NYAP2: variants seen among roughly 807,000 people sequenced by gnomAD.
NYAP2 encodes the protein neuronal tyrosine-phosphorylated phosphoinositide-3-kinase adaptor 2.
In NYAP2, 23 loss-of-function variants were observed where a neutral mutation model predicts 50.4. The ratio of observed to expected loss-of-function variants is 0.46; its 90% CI spans 0.33 to 0.65. The LOEUF is 0.65. Among genes scored for constraint, NYAP2 ranks in the 30% least tolerant of loss-of-function variants. The pLI is 0.02. For synonymous variants in NYAP2, 394 were observed against 365.2 expected, an observed-to-expected ratio of 1.08 and a Z score of -0.90; for missense variants, 885 against 861.0, an observed-to-expected ratio of 1.03 and a Z score of -0.35.
At chr2:225,443,131 G>T (rs1689496643) in intron 3 of NYAP2, among the ~76,000 whole-genome samples, 1 of 152,130 alleles carries the variant, frequency 6.6e-6, no homozygotes, top group South Asian at 2.1e-4. Flanking sequence ...GGGATAATGG[G>T]AGCTACAATT....
chr2:225,692,082 C>T, the NYAP2 span, among the ~76,000 whole-genome samples: 1 of 152,050 alleles, frequency 6.6e-6, no homozygotes, highest in Non-Finnish European at 1.5e-5. Context: ...GAAATTAATT[C>T]CAAGGTTAAC....
intron 3 of NYAP2, among the ~76,000 whole-genome samples, chr2:225,442,845 G>A (rs933251838): frequency 1.3e-5 from 2 of 152,140 alleles, no homozygotes; most frequent in African/African-American, 4.8e-5. Flanking sequence ...ACAAAGTGCT[G>A]AGATTATGGG....
At chr2:225,648,805 A>T (rs1007051923) in intron 6 of NYAP2, among the ~76,000 whole-genome samples, 1 of 152,142 alleles carries the variant, frequency 6.6e-6, no homozygotes, top group African/African-American at 2.4e-5. Context: ...ATCAAAAAGG[A>T]GCATGGGAAG....
intron 3 of NYAP2, among the ~76,000 whole-genome samples, chr2:225,496,978 T>C (rs751180567): frequency 1.3e-5 from 2 of 152,160 alleles, no homozygotes. Context: ...GTTGTGACAA[T>C]ACCTTTTAAT....
chr2:225,689,922 A>C, the NYAP2 span, among the ~76,000 whole-genome samples: 2 of 152,162 alleles, frequency 1.3e-5, no homozygotes, highest in East Asian at 1.9e-4. Flanking sequence ...TAACTTATAC[A>C]ATGTCATCAA....
the NYAP2 span, among the ~76,000 whole-genome samples, chr2:225,692,067 T>C: frequency 2.0e-5 from 3 of 152,140 alleles, no homozygotes; most frequent in Admixed American, 2.0e-4. Context: ...TCAAGACTCC[T>C]AGATGAAATT....
rs143995604 is a variant in NYAP2, at chr2:225,494,912, TTA to T, written c.222-18457_222-18456del. Reference sequence around the variant, plus strand: ...TATAAGATATAAAAAACTATAGAGTTTATGTCTGTGTTTCTTACCCTAGTATA... The same window carrying T: ...TATAAGATATAAAAAACTATAGAGTTTGTCTGTGTTTCTTACCCTAGTATA... On this transcript the variant is annotated intron_variant, in intron 3 of 6. Coordinates refer to ENST00000636099, the Ensembl canonical transcript of NYAP2. Among the ~76,000 whole-genome samples the T allele has an allele frequency of 1.3e-4, 20 of 152,276 alleles. No individual in the cohort carries two copies. The East Asian group carries it at 3.9e-3, about 29-fold the overall frequency.
At chr2:225,651,377 T>G in intron 6 of NYAP2, 55 bp from the exon 7 acceptor site, 1 of 1,610,424 alleles carries the variant, frequency 6.2e-7, no homozygotes, top group Non-Finnish European at 8.5e-7. Flanking sequence ...AAAAGCCACT[T>G]CATTATTCCA....
At chr2:225,687,252 T>C in the NYAP2 span, among the ~76,000 whole-genome samples, 2 of 152,138 alleles carry the variant, frequency 1.3e-5, no homozygotes, top group Non-Finnish European at 2.9e-5. Flanking sequence ...TTTAAGGGAA[T>C]TGAGATATGT....
the NYAP2 span, chr2:225,699,171 A>G: frequency 1.3e-5 from 2 of 151,958 alleles, no homozygotes; most frequent in African/African-American, 4.8e-5. Flanking sequence ...CATTGGCTTT[A>G]TAAGAATTTC....
At chr2:225,685,762 A>T in the NYAP2 span, among the ~76,000 whole-genome samples, 4 of 152,180 alleles carry the variant, frequency 2.6e-5, no homozygotes, top group African/African-American at 7.2e-5. Flanking sequence ...GTGGACACAA[A>T]CATAGTTTTT....
chr2:225,697,319 T>C, the NYAP2 span, among the ~76,000 whole-genome samples: 1 of 152,018 alleles, frequency 6.6e-6, no homozygotes, highest in African/African-American at 2.4e-5. Flanking sequence ...AATCCATTTT[T>C]CTAAATTTTT....
At chr2:225,554,513 C>T (rs1331591976) in intron 4 of NYAP2, among the ~76,000 whole-genome samples, 2 of 151,872 alleles carry the variant, frequency 1.3e-5, no homozygotes, top group African/African-American at 4.8e-5. Context: ...TTAGTAGAGA[C>T]AGGTTTTGCC....
the NYAP2 span, among the ~76,000 whole-genome samples, chr2:225,669,109 G>C: frequency 6.6e-6 from 1 of 151,940 alleles, no homozygotes; most frequent in Non-Finnish European, 1.5e-5. Context: ...TTTATTTACA[G>C]TGAGGTTTCA....
intron 4 of NYAP2, among the ~76,000 whole-genome samples, chr2:225,564,880 A>C (rs1450993410): frequency 6.6e-6 from 1 of 152,296 alleles, no homozygotes; most frequent in Non-Finnish European, 1.5e-5. Flanking sequence ...CTATAATCCC[A>C]GCACTGTGGG....
At chr2:225,695,589 G>C in the NYAP2 span, among the ~76,000 whole-genome samples, 11 of 151,682 alleles carry the variant, frequency 7.3e-5, no homozygotes, top group African/African-American at 2.7e-4. Context: ...AGATGAGTGA[G>C]ATTTGAAGCC....
intron 4 of NYAP2, among the ~76,000 whole-genome samples, chr2:225,533,651 T>TA (rs1174728198): frequency 1.3e-5 from 2 of 151,588 alleles, no homozygotes; most frequent in African/African-American, 2.4e-5. Flanking sequence ...ATCGCACCAC[T>TA]ACACTCCAGC....
At chr2:225,661,505 C>T in the NYAP2 span, among the ~76,000 whole-genome samples, 27 of 152,136 alleles carry the variant, frequency 1.8e-4, no homozygotes, top group South Asian at 8.3e-4. Context: ...GCTGTATTAT[C>T]TAATGTTGTT....
At chr2:225,602,773 A>G (rs1371350228) in intron 5 of NYAP2, among the ~76,000 whole-genome samples, 1 of 152,156 alleles carries the variant, frequency 6.6e-6, no homozygotes, top group African/African-American at 2.4e-5. Context: ...CCATATATAT[A>G]GAAGTTTATT....
Sources: gnomAD v4.1 joint callset for allele counts (sites outside exome capture counted in the v4.1 genomes callset) on GRCh38, gnomAD v4.1.1 for gene constraint, MANE v1.5 for transcripts, NCBI Gene and HGNC (gene_info 2026-07-23, HGNC 2026-07-21) for gene names.